Variants in SPINK9 observed in about 807,000 individuals in gnomAD.
SPINK9 encodes serine peptidase inhibitor Kazal type 9.
In SPINK9, 3 loss-of-function variants were observed where a neutral mutation model predicts 10.8. That is an observed-to-expected ratio of 0.28 (90% CI 0.13 to 0.72). The LOEUF is 0.72. SPINK9 is among the 30% of genes least tolerant of loss of function. The probability of loss-of-function intolerance (pLI) is 0.74; values close to 1 mark genes in which losing one functional copy is unlikely to be tolerated. For synonymous variants in SPINK9, 30 were observed against 31.2 expected, an observed-to-expected ratio of 0.96 and a Z score of 0.12; for missense variants, 101 against 103.2, an observed-to-expected ratio of 0.98 and a Z score of 0.09.
chr5:148,333,551 G>T (rs1430508232), upstream of SPINK9, among the ~76,000 whole-genome samples: 1 of 152,188 alleles, frequency 6.6e-6, no homozygotes, highest in African/African-American at 2.4e-5. Context: ...AAATTTCTAG[G>T]ATGAAGGTGG....
intron 2 of SPINK9, among the ~76,000 whole-genome samples, chr5:148,329,350 T>G (rs1262888436): frequency 6.6e-6 from 1 of 152,216 alleles, no homozygotes; most frequent in East Asian, 1.9e-4. Flanking sequence ...TTGGTGGTGA[T>G]ATCCCCTTTG....
At chr5:148,325,449 T>G (rs1476703003) in intron 2 of SPINK9, among the ~76,000 whole-genome samples, 3 of 152,138 alleles carry the variant, frequency 2.0e-5, no homozygotes, top group African/African-American at 7.2e-5. Flanking sequence ...ACCTGTCTTT[T>G]TTATCTTAAC....
rs1757023924 is a variant in SPINK9 at position 148,323,678 on chromosome 5, G to C, written c.-72-1G>C. 1.8e-6 allele frequency: 1 copy of C among 571,058 alleles called. No individual in the cohort carries two copies. Among genetic ancestry groups the C allele is most frequent in the East Asian group, 3.0e-5 (1 of 33,122 alleles). 35.4% of individuals were successfully genotyped at this position (571,058 alleles called of 1,614,324 possible). A position where few individuals can be genotyped will look rare whatever the true frequency, so the allele number is the denominator to read the frequency against. On this transcript the variant is annotated splice_acceptor_variant, in intron 1 of 4. Coordinates refer to the SPINK9 transcript ENST00000511717. LOFTEE classifies it low-confidence loss of function (5UTR_SPLICE). Reference sequence around the variant, plus strand: ...TGTTTTTAAAATTTTACCTTTTGAAGGTTAGGTATTGGAGAAGAAGTGATT... The same window carrying C: ...TGTTTTTAAAATTTTACCTTTTGAACGTTAGGTATTGGAGAAGAAGTGATT...
chr5:148,336,900 C>T (rs1389517702), intron 2 of SPINK9, among the ~76,000 whole-genome samples: 2 of 152,064 alleles, frequency 1.3e-5, no homozygotes, highest in African/African-American at 4.8e-5. Flanking sequence ...ACTCAGGTTA[C>T]AGTAATGAGT....
upstream of SPINK9, among the ~76,000 whole-genome samples, chr5:148,332,608 C>A (rs558620862): frequency 7.9e-5 from 12 of 152,272 alleles, no homozygotes; most frequent in South Asian, 2.5e-3. Flanking sequence ...TGAAATATTT[C>A]TCAAGAACAA....
At chr5:148,322,349 G>A (rs773114245) in intron 1 of SPINK9, among the ~76,000 whole-genome samples, 51 of 152,168 alleles carry the variant, frequency 3.4e-4, no homozygotes, top group Non-Finnish European at 1.6e-4. Context: ...TGAAGATCAG[G>A]TAAAGATATC....
intron 3 of SPINK9, 42 bp downstream of exon 3, chr5:148,338,647 G>C: frequency 1.4e-6 from 2 of 1,442,678 alleles, no homozygotes; most frequent in Non-Finnish European, 1.9e-6. Flanking sequence ...TAAGGTAAAA[G>C]TATATATTAA....
exon 2 of SPINK9, chr5:148,323,831 G>A (rs1439307743): frequency 1.4e-6 from 1 of 701,622 alleles, no homozygotes; most frequent in South Asian, 1.5e-5. Flanking sequence ...ATGAACCCAG[G>A]AGACTCATGG....
intron 2 of SPINK9, among the ~76,000 whole-genome samples, chr5:148,329,997 G>T (rs922449338): frequency 4.6e-5 from 7 of 152,230 alleles, no homozygotes; most frequent in Non-Finnish European, 7.3e-5. Context: ...TTCGGGTGGA[G>T]AGTTCTGTAG....
intron 2 of SPINK9, among the ~76,000 whole-genome samples, chr5:148,328,449 C>T (rs1479740416): frequency 1.3e-5 from 2 of 152,192 alleles, no homozygotes; most frequent in Non-Finnish European, 2.9e-5. Context: ...CATCTGCAGA[C>T]AGGGACAATT....
intron 2 of SPINK9, among the ~76,000 whole-genome samples, chr5:148,330,537 A>T (rs997834344): frequency 2.6e-5 from 4 of 152,074 alleles, no homozygotes; most frequent in African/African-American, 9.7e-5. Flanking sequence ...TGTGAATTTG[A>T]TCCTGTCACT....
At chr5:148,333,120 G>C (rs1757171741), upstream of SPINK9, among the ~76,000 whole-genome samples, 1 of 152,112 alleles carries the variant, frequency 6.6e-6, no homozygotes, top group African/African-American at 2.4e-5. Context: ...GTAGCCAAGA[G>C]GACTCCATGA....
intron 2 of SPINK9, among the ~76,000 whole-genome samples, chr5:148,326,015 G>A (rs1242333529): frequency 1.3e-5 from 2 of 151,964 alleles, no homozygotes; most frequent in African/African-American, 2.4e-5. Context: ...AAATCAATTC[G>A]CCATATATCC....
Position 148,336,444 on chromosome 5 carries a change from G to A in SPINK9, c.78G>A (p.Thr26=), listed in dbSNP as rs750988489. The A allele has an allele frequency of 1.2e-4, 190 of 1,613,458 alleles. No individual in the cohort carries two copies. The highest frequency in any genetic ancestry group is 2.4e-4 in the South Asian group (22 of 91,034). ...CAGGTATAGAATGTGCCAAACAGAC[G>A]AAACAGATGGTCAGTACACCCATCC... ...TMFSIECAKQ[T]KQMVDCSHYK... Residue 26 remains threonine, a synonymous_variant, in exon 2 of 4, where the codon ACG becomes ACA. Coordinates refer to ENST00000377906, the MANE Select transcript of SPINK9 (RefSeq NM_001040433.2).
chr5:148,325,538 G>T (rs1268938685), intron 2 of SPINK9, among the ~76,000 whole-genome samples: 1 of 151,962 alleles, frequency 6.6e-6, no homozygotes, highest in Admixed American at 6.6e-5. Context: ...GTCTTTTCAT[G>T]TGCTTATTGA....
intron 2 of SPINK9, among the ~76,000 whole-genome samples, chr5:148,328,370 T>A (rs1440164346): frequency 6.6e-6 from 1 of 152,238 alleles, no homozygotes; most frequent in Non-Finnish European, 1.5e-5. Context: ...GAGACTTTGC[T>A]GAAGTTGCGT....
chr5:148,336,397 T>C, intron 1 of SPINK9, 25 bp from the exon 2 acceptor site: 1 of 1,612,882 alleles, frequency 6.2e-7, no homozygotes, highest in Non-Finnish European at 8.5e-7. Context: ...AGTTTAATAT[T>C]GCCTTGTCTT....
intron 1 of SPINK9, among the ~76,000 whole-genome samples, chr5:148,322,285 C>A (rs1757008069): frequency 6.6e-6 from 1 of 152,180 alleles, no homozygotes; most frequent in East Asian, 1.9e-4. Flanking sequence ...CTCATCTTTA[C>A]CCCTGTGTGT....
intron 2 of SPINK9, among the ~76,000 whole-genome samples, chr5:148,330,470 C>G (rs1757133678): frequency 6.6e-6 from 1 of 152,160 alleles, no homozygotes; most frequent in Non-Finnish European, 1.5e-5. Flanking sequence ...ATTTGCCAGT[C>G]TGTGTCTTTT....
Sources: allele counts gnomAD v4.1 joint callset (sites outside exome capture counted in the v4.1 genomes callset), GRCh38; gene constraint gnomAD v4.1.1; transcripts MANE v1.5; gene names NCBI Gene and HGNC (gene_info 2026-07-23, HGNC 2026-07-21).